KLF8: variants seen among roughly 807,000 people sequenced by gnomAD.
KLF8 encodes the protein Krueppel-like factor 8.
In KLF8, 10 loss-of-function variants were observed where a neutral mutation model predicts 18.2. The ratio of observed to expected loss-of-function variants is 0.55; its 90% CI spans 0.34 to 0.93. KLF8 has a LOEUF of 0.93. KLF8 is among the 40% of genes least tolerant of loss of function. The probability of loss-of-function intolerance (pLI) is 0.02; values close to 1 mark genes in which losing one functional copy is unlikely to be tolerated. For missense variants in KLF8, 264 were observed against 277.9 expected, an observed-to-expected ratio of 0.95 and a Z score of 0.36; for synonymous variants, 109 against 97.3, an observed-to-expected ratio of 1.12 and a Z score of -0.71.
the KLF8 span, among the ~76,000 whole-genome samples, chrX:56,075,473 A>T: frequency 8.9e-6 from 1 of 111,932 alleles, no homozygotes. Context: ...ATCATGGAAC[A>T]TGAGATACTC....
chrX:55,989,811 C>T, the KLF8 span, among the ~76,000 whole-genome samples: 12 of 110,424 alleles, frequency 1.1e-4, no homozygotes, highest in Admixed American at 2.9e-4. Flanking sequence ...TGGTAGAATT[C>T]GGCTGTGAAT....
At chrX:55,946,328 A>G in the KLF8 span, among the ~76,000 whole-genome samples, 2 of 111,285 alleles carry the variant, frequency 1.8e-5, no homozygotes, top group Non-Finnish European at 3.8e-5. Flanking sequence ...CAGAAATAAC[A>G]CCACATATCT....
the KLF8 span, among the ~76,000 whole-genome samples, chrX:56,178,866 A>G: frequency 4.5e-5 from 5 of 112,302 alleles, no homozygotes; most frequent in Non-Finnish European, 9.4e-5. Context: ...TACCAGTACC[A>G]TGCTGTTTCA....
At chrX:56,099,871 A>T in the KLF8 span, among the ~76,000 whole-genome samples, 1 of 112,391 alleles carries the variant, frequency 8.9e-6, no homozygotes, top group African/African-American at 3.2e-5. Context: ...CATAACATAA[A>T]AGTGCAAGGT....
chrX:55,986,030 G>A, the KLF8 span, among the ~76,000 whole-genome samples: 1 of 111,641 alleles, frequency 9.0e-6, no homozygotes, highest in Non-Finnish European at 1.9e-5. Flanking sequence ...AGATTAAGAA[G>A]CTTTTGGGCT....
the KLF8 span, among the ~76,000 whole-genome samples, chrX:56,038,822 G>T: frequency 8.9e-6 from 1 of 112,286 alleles, no homozygotes; most frequent in African/African-American, 3.2e-5. Flanking sequence ...ACTAATGTAC[G>T]TTTCCACCAA....
intron 2 of KLF8, among the ~76,000 whole-genome samples, chrX:56,253,764 C>CTTTTTTTTTTTTTTTTTT (rs60291877): frequency 8.3e-5 from 5 of 60,115 alleles, no homozygotes; most frequent in Admixed American, 1.8e-4. Context: ...TTTTCTTTTT[C>CTTTTTTTTTTTTTTTTTT]TTTTTTTTTT....
the KLF8 span, among the ~76,000 whole-genome samples, chrX:56,075,302 C>T: frequency 2.7e-5 from 3 of 111,234 alleles, no homozygotes; most frequent in African/African-American, 9.8e-5. Flanking sequence ...ACCTATTTTG[C>T]ATGTCAAACT....
At chrX:55,965,605 A>G in the KLF8 span, among the ~76,000 whole-genome samples, 18 of 112,349 alleles carry the variant, frequency 1.6e-4, no homozygotes, top group East Asian at 5.1e-3. Context: ...ATTTCTCTTC[A>G]CAGATGATAT....
At chrX:56,235,107 G>T (rs952724217) in intron 1 of KLF8, among the ~76,000 whole-genome samples, 3 of 110,571 alleles carry the variant, frequency 2.7e-5, no homozygotes, top group Admixed American at 9.7e-5. Flanking sequence ...CATTTCTGAG[G>T]TGGGGTTCTC....
chrX:56,144,323 AC>A, the KLF8 span, among the ~76,000 whole-genome samples: 1 of 111,608 alleles, frequency 9.0e-6, no homozygotes, highest in African/African-American at 3.2e-5. Flanking sequence ...AATAAATTGA[AC>A]ATCATCAAAA....
the KLF8 span, among the ~76,000 whole-genome samples, chrX:56,092,271 C>T: frequency 2.7e-5 from 3 of 111,723 alleles, no homozygotes; most frequent in Non-Finnish European, 5.7e-5. Flanking sequence ...TGTAGATTTT[C>T]TGTTCACTCT....
chrX:56,153,821 C>T, the KLF8 span, among the ~76,000 whole-genome samples: 74 of 111,411 alleles, frequency 6.6e-4, no homozygotes, highest in African/African-American at 2.2e-3. Context: ...GAGTGAACTC[C>T]CATTCACAAT....
chrX:56,269,177 C>G (rs1197886208), intron 3 of KLF8: 1 of 1,010,713 alleles, frequency 9.9e-7, no homozygotes, highest in Non-Finnish European at 1.3e-6. Context: ...AAAGGCATTT[C>G]TGTTCCCTGC....
chrX:56,153,518 G>A, the KLF8 span, among the ~76,000 whole-genome samples: 1 of 111,470 alleles, frequency 9.0e-6, no homozygotes, highest in Admixed American at 9.6e-5. Flanking sequence ...AAAAAGATAT[G>A]TACTTACAAC....
the KLF8 span, among the ~76,000 whole-genome samples, chrX:56,191,863 C>G: frequency 9.0e-6 from 1 of 111,328 alleles, no homozygotes; most frequent in Non-Finnish European, 1.9e-5. Flanking sequence ...AGACCCACAG[C>G]TAGTATTATA....
At chrX:55,972,158 G>T in the KLF8 span, among the ~76,000 whole-genome samples, 1 of 111,695 alleles carries the variant, frequency 9.0e-6, no homozygotes, top group South Asian at 3.7e-4. Flanking sequence ...GTCAACAGAT[G>T]AATGGATAAA....
intron 1 of KLF8, among the ~76,000 whole-genome samples, chrX:56,249,167 A>C (rs1030746746): frequency 8.9e-6 from 1 of 112,716 alleles, no homozygotes; most frequent in African/African-American, 3.2e-5. Flanking sequence ...TTAACAGTTT[A>C]ATCGAGCAAA....
chrX:56,077,200 A>T, the KLF8 span, among the ~76,000 whole-genome samples: 3 of 111,739 alleles, frequency 2.7e-5, no homozygotes, highest in Non-Finnish European at 5.6e-5. Flanking sequence ...GGTGTTTTAG[A>T]CATGAAGTCC....
Sources: gnomAD v4.1 joint callset for allele counts (sites outside exome capture counted in the v4.1 genomes callset) on GRCh38, gnomAD v4.1.1 for gene constraint, MANE v1.5 for transcripts, NCBI Gene and HGNC (gene_info 2026-07-23, HGNC 2026-07-21) for gene names.